Variants in ATP8B1 observed in about 807,000 individuals in gnomAD.
ATP8B1 encodes the protein ATPase phospholipid transporting 8B1, also known as phospholipid-transporting ATPase IC.
In ATP8B1, 80 loss-of-function variants were observed where a neutral mutation model predicts 149.9. The ratio of observed to expected loss-of-function variants is 0.53; its 90% CI spans 0.45 to 0.64. The LOEUF (loss-of-function observed/expected upper bound fraction) is 0.64. ATP8B1 is among the 30% of genes least tolerant of loss of function. ATP8B1 has a pLI of 0.00. For missense variants in ATP8B1, 1,247 were observed against 1,552.6 expected, an observed-to-expected ratio of 0.80 and a Z score of 3.31; for synonymous variants, 536 against 562.8, an observed-to-expected ratio of 0.95 and a Z score of 0.67.
chr18:57,706,929 G>A (rs1392607989), intron 2 of ATP8B1, among the ~76,000 whole-genome samples: 1 of 152,216 alleles, frequency 6.6e-6, no homozygotes, highest in Non-Finnish European at 1.5e-5. Context: ...AATCGATCCT[G>A]CTGACATCTT....
chr18:57,801,218 C>G (rs935436383), intron 1 of ATP8B1, among the ~76,000 whole-genome samples: 17 of 152,148 alleles, frequency 1.1e-4, no homozygotes, highest in Admixed American at 1.1e-3. Context: ...GAGTCTTGCT[C>G]GGCCCTTAAT....
chr18:57,705,220 C>T (rs1184824893), intron 3 of ATP8B1, among the ~76,000 whole-genome samples: 1 of 152,210 alleles, frequency 6.6e-6, no homozygotes, highest in African/African-American at 2.4e-5. Flanking sequence ...CAAATAAATC[C>T]TGCTGTCAGA....
chr18:57,738,081 GC>G (rs778611573), intron 1 of ATP8B1: 1 of 152,168 alleles, frequency 6.6e-6, no homozygotes, highest in Non-Finnish European at 1.5e-5. Context: ...CTTGTTTGAA[GC>G]CCTAAATGAC....
At chr18:57,655,154 C>A (rs1036003475) in intron 23 of ATP8B1, 40 bp downstream of exon 23, 1 of 1,524,954 alleles carries the variant, frequency 6.6e-7, no homozygotes, top group Non-Finnish European at 9.1e-7. Flanking sequence ...CATTTAAGAG[C>A]TCTACTTAGT....
intron 1 of ATP8B1, among the ~76,000 whole-genome samples, chr18:57,761,376 C>A (rs2080156969): frequency 6.6e-6 from 1 of 152,132 alleles, no homozygotes; most frequent in South Asian, 2.1e-4. Flanking sequence ...TAGCATGGCA[C>A]CACGAGCAGT....
intron 1 of ATP8B1, among the ~76,000 whole-genome samples, chr18:57,751,277 C>T (rs896829255): frequency 3.9e-5 from 6 of 151,934 alleles, no homozygotes; most frequent in Admixed American, 2.6e-4. Context: ...ATCACATGAG[C>T]TCAGGAGACC....
At chr18:57,695,641 T>A in intron 8 of ATP8B1, 109 bp from the exon 9 acceptor site, 1 of 846,512 alleles carries the variant, frequency 1.2e-6, no homozygotes, top group South Asian at 1.4e-5. Flanking sequence ...GCCTAAATAA[T>A]TAGCTGTTTC....
chr18:57,732,181 G>GTATATATGTATATATGTA (rs2079780471), intron 1 of ATP8B1, among the ~76,000 whole-genome samples: 6 of 99,664 alleles, frequency 6.0e-5, no homozygotes, highest in South Asian at 3.6e-4. Flanking sequence ...GTATATATGT[G>GTATATATGTATATATGTA]TATATATGTA....
intron 2 of ATP8B1, among the ~76,000 whole-genome samples, chr18:57,721,676 T>C (rs1419334051): frequency 3.7e-5 from 5 of 135,674 alleles, no homozygotes; most frequent in Non-Finnish European, 6.3e-5. Context: ...CTGTCAACAT[T>C]AGACAGATCA....
At chr18:57,694,002 A>G (rs1400073563) in intron 11 of ATP8B1, among the ~76,000 whole-genome samples, 1 of 152,158 alleles carries the variant, frequency 6.6e-6, no homozygotes, top group Non-Finnish European at 1.5e-5. Flanking sequence ...ACTTTGCTCC[A>G]TGAGTCTTTG....
intron 23 of ATP8B1, among the ~76,000 whole-genome samples, chr18:57,654,326 T>C (rs1909841393): frequency 6.6e-6 from 1 of 151,782 alleles, no homozygotes; most frequent in Non-Finnish European, 1.5e-5. Context: ...TATTCTTTTT[T>C]TTTTTCTTCT....
chr18:57,651,049 G>GA (rs1568178014), intron 26 of ATP8B1, among the ~76,000 whole-genome samples: 1 of 151,864 alleles, frequency 6.6e-6, no homozygotes, highest in East Asian at 1.9e-4. Context: ...AGCAAATAAG[G>GA]AAAAAAAGCA....
At chr18:57,767,697 G>A (rs1216795957) in intron 1 of ATP8B1, among the ~76,000 whole-genome samples, 10 of 152,090 alleles carry the variant, frequency 6.6e-5, no homozygotes, top group African/African-American at 2.4e-4. Flanking sequence ...GCTGAGGCAG[G>A]AGAATCGCTT....
intron 25 of ATP8B1, 74 bp from the exon 26 acceptor site, chr18:57,652,246 GA>G: frequency 6.3e-7 from 1 of 1,584,508 alleles, no homozygotes; most frequent in Non-Finnish European, 8.6e-7. Context: ...TAACAATCCT[GA>G]AAACAGAATT....
chr18:57,737,941 G>T lies in ATP8B1; in HGVS notation c.-25-6109C>A, dbSNP rs143239907. On this transcript the variant is annotated intron_variant, in intron 1 of 27. Coordinates refer to ENST00000648908, the MANE Select transcript of ATP8B1 (RefSeq NM_001374385.1). ...AGAAAGCAGGAGCAGGGAGCTCTCC[G>T]CTGAGAGTGAAGAAATGTCCTCAAC... 520 of 152,398 alleles carry T rather than the reference G, an allele frequency of 3.4e-3. 8 individuals carry two copies. The highest frequency in any genetic ancestry group is 1.0e-3 in the Non-Finnish European group (68 of 68,030). 9.4% of individuals were successfully genotyped at this position (152,398 alleles called of 1,614,324 possible).
chr18:57,770,307 C>T (rs953554489), intron 1 of ATP8B1, among the ~76,000 whole-genome samples: 4 of 152,178 alleles, frequency 2.6e-5, no homozygotes, highest in Admixed American at 1.3e-4. Context: ...GCCCACCCAC[C>T]CCAGCTGCCA....
intron 19 of ATP8B1, chr18:57,668,008 A>T (rs4940499): frequency 1.7e-6 from 2 of 1,205,346 alleles, no homozygotes; most frequent in East Asian, 1.2e-4. Context: ...TTCCTTAGGT[A>T]TACAATTTTA....
chr18:57,688,579 A>C, intron 12 of ATP8B1, 72 bp from the exon 13 acceptor site: 10 of 1,475,420 alleles, frequency 6.8e-6, no homozygotes, highest in Non-Finnish European at 8.5e-6. Context: ...TTTTATTCTC[A>C]TTGTACAGAC....
chr18:57,653,447 CA>C (rs1233255188), intron 24 of ATP8B1, among the ~76,000 whole-genome samples: 1 of 151,514 alleles, frequency 6.6e-6, no homozygotes, highest in Non-Finnish European at 1.5e-5. Context: ...CTACCATGCC[CA>C]CAATTTTTAA....
Sources: gnomAD v4.1 joint callset for allele counts (sites outside exome capture counted in the v4.1 genomes callset) on GRCh38, gnomAD v4.1.1 for gene constraint, MANE v1.5 for transcripts, NCBI Gene and HGNC (gene_info 2026-07-23, HGNC 2026-07-21) for gene names.